SLC30A7: variants seen among roughly 807,000 people sequenced by gnomAD.
The protein encoded by SLC30A7 is zinc transporter 7.
In SLC30A7, 35 loss-of-function variants were observed where a neutral mutation model predicts 46.0. The observed-to-expected ratio is 0.76, with a 90% CI of 0.58 to 1.01. The LOEUF is 1.01. SLC30A7 is among the 50% of genes least tolerant of loss of function. The probability of loss-of-function intolerance (pLI) is 0.00; values close to 1 mark genes in which losing one functional copy is unlikely to be tolerated. For synonymous variants in SLC30A7, 147 were observed against 157.8 expected (o/e 0.93, Z 0.51); for missense variants, 464 against 451.1 (o/e 1.03, Z -0.26).
chr1:100,936,865 C>G (rs1037639468), intron 8 of SLC30A7, among the ~76,000 whole-genome samples: 2 of 152,190 alleles, frequency 1.3e-5, no homozygotes, highest in African/African-American at 4.8e-5. Flanking sequence ...CCTTTTGTGA[C>G]TAGTTTATTT....
intron 8 of SLC30A7, among the ~76,000 whole-genome samples, chr1:100,954,249 G>C (rs1189521915): frequency 6.6e-6 from 1 of 152,056 alleles, no homozygotes; most frequent in Non-Finnish European, 1.5e-5. Context: ...TTTTGTCTTG[G>C]CAATGTCACA....
At chr1:100,916,870 C>T (rs1570526277) in intron 6 of SLC30A7, among the ~76,000 whole-genome samples, 2 of 151,964 alleles carry the variant, frequency 1.3e-5, no homozygotes. Flanking sequence ...CAATGTTTGT[C>T]GTTCTGTAAC....
At chr1:100,957,407 T>C (rs56678847) in intron 8 of SLC30A7, among the ~76,000 whole-genome samples, 15,824 of 152,334 alleles carry the variant, frequency 0.1, 875 homozygotes, top group Middle Eastern at 0.2. Context: ...AAACAATTTA[T>C]ATTTTCTTTC....
chr1:100,919,153 G>A (rs1040020314), intron 7 of SLC30A7, among the ~76,000 whole-genome samples: 26 of 152,150 alleles, frequency 1.7e-4, no homozygotes, highest in African/African-American at 5.8e-4. Flanking sequence ...TAATACATGT[G>A]TAAAATTGTA....
At chr1:100,932,912 A>T (rs949405889) in intron 8 of SLC30A7, among the ~76,000 whole-genome samples, 2 of 150,266 alleles carry the variant, frequency 1.3e-5, no homozygotes, top group Non-Finnish European at 3.0e-5. Flanking sequence ...ATCTGCCCCA[A>T]CCTCCCTTCC....
rs1050101996 is a variant in SLC30A7, at chr1:100,975,037, T to G, written c.*180T>G. ...GGGAGTTCACAGCTAAGGGATCAGA[T>G]TTAAGAGGATATCTCCTGGACTTTT... is the stretch of plus-strand genomic sequence containing the variant. On this transcript the variant is annotated 3_prime_UTR_variant, in exon 11 of 11. Transcript: ENST00000357650. 2.4e-6 allele frequency: 1 copy of G among 416,982 alleles called. No individual in the cohort carries two copies. Among genetic ancestry groups the G allele is most frequent in the African/African-American group, 2.0e-5 (1 of 49,056 alleles). The allele number at this position is 416,982 out of a possible 1,614,324, so 25.8% of individuals were successfully genotyped here.
chr1:100,910,717 C>T (rs1355906509), intron 3 of SLC30A7, among the ~76,000 whole-genome samples: 3 of 152,064 alleles, frequency 2.0e-5, no homozygotes, highest in African/African-American at 7.2e-5. Context: ...GCCGTTAATC[C>T]TTCTTTCTTT....
chr1:100,905,859 T>C (rs371694126), intron 2 of SLC30A7, among the ~76,000 whole-genome samples: 40 of 152,374 alleles, frequency 2.6e-4, no homozygotes, highest in South Asian at 8.3e-4. Flanking sequence ...TCCTATCTAA[T>C]AGTTCCAACA....
intron 8 of SLC30A7, among the ~76,000 whole-genome samples, chr1:100,952,501 C>T (rs993658489): frequency 1.3e-5 from 2 of 152,182 alleles, no homozygotes; most frequent in African/African-American, 4.8e-5. Flanking sequence ...ACACCATCCA[C>T]TTAAAGGTAG....
At position 100,896,226 on chromosome 1, in the gene SLC30A7, G is replaced by T. The variant is rs752174811; in HGVS notation, c.-37G>T. On this transcript the variant is annotated 5_prime_UTR_variant, in exon 1 of 11. Coordinates refer to ENST00000357650, the MANE Select transcript of SLC30A7 (RefSeq NM_133496.5). ...CCATCACCCCACGGAGCCACTTCTA[G>T]AGGGGAGTAGACCCGGCCCTTCGCC... is the stretch of plus-strand genomic sequence containing the variant. 6 of 1,602,052 alleles carry T rather than the reference G, an allele frequency of 3.7e-6. No individual in the cohort carries two copies. Among genetic ancestry groups the T allele is most frequent in the Non-Finnish European group, 5.1e-6 (6 of 1,169,086 alleles).
At chr1:100,929,892 G>GT (rs1653563396) in intron 8 of SLC30A7, among the ~76,000 whole-genome samples, 1 of 152,184 alleles carries the variant, frequency 6.6e-6, no homozygotes, top group African/African-American at 2.4e-5. Context: ...TTTCAGAGTA[G>GT]TTCTGCTCCT....
At chr1:100,910,400 G>A (rs1165516471) in intron 3 of SLC30A7, among the ~76,000 whole-genome samples, 1 of 152,056 alleles carries the variant, frequency 6.6e-6, no homozygotes, top group African/African-American at 2.4e-5. Flanking sequence ...GAACTCAATG[G>A]AACAAAAGAC....
Position 100,974,902 on chromosome 1 carries a change from G to C in SLC30A7, c.*45G>C. On this transcript the variant is annotated 3_prime_UTR_variant, in exon 11 of 11. Coordinates refer to ENST00000357650, the MANE Select transcript of SLC30A7 (RefSeq NM_133496.5). ...CACCTTTTATGGACCAAATTTTTCTGGTACTGTACGATCCAAAACATTGTA... is the reference window on the plus strand; with the variant it reads ...CACCTTTTATGGACCAAATTTTTCTCGTACTGTACGATCCAAAACATTGTA... The C allele has an allele frequency of 6.7e-7, 1 of 1,502,442 alleles. No homozygotes were observed. Among genetic ancestry groups the C allele is most frequent in the Non-Finnish European group, 9.1e-7 (1 of 1,094,840 alleles). 93.1% of individuals were successfully genotyped at this position (1,502,442 alleles called of 1,614,324 possible).
At chr1:100,948,921 TA>T (rs773553992) in intron 8 of SLC30A7, among the ~76,000 whole-genome samples, 3 of 152,168 alleles carry the variant, frequency 2.0e-5, no homozygotes, top group Non-Finnish European at 4.4e-5. Context: ...ACTGTTTAGT[TA>T]GTCATTCATC....
At chr1:100,974,417 A>T (rs1451678046) in intron 10 of SLC30A7, among the ~76,000 whole-genome samples, 19 of 152,220 alleles carry the variant, frequency 1.2e-4, no homozygotes. Context: ...ATTCCAATAG[A>T]TGGTTATACT....
downstream of SLC30A7, among the ~76,000 whole-genome samples, chr1:100,986,075 C>T (rs78142330): frequency 1.6e-3 from 251 of 152,256 alleles, 5 homozygotes; most frequent in African/African-American, 5.8e-3. Flanking sequence ...AGATGATCCA[C>T]ATCATTAGGT....
intron 8 of SLC30A7, among the ~76,000 whole-genome samples, chr1:100,961,402 C>T (rs1416236413): frequency 1.3e-5 from 2 of 152,160 alleles, no homozygotes; most frequent in Admixed American, 6.5e-5. Flanking sequence ...CTGTGGTTAT[C>T]GCCAGGCTTC....
intron 8 of SLC30A7, among the ~76,000 whole-genome samples, chr1:100,926,553 C>A (rs1653318796): frequency 6.6e-6 from 1 of 152,208 alleles, no homozygotes; most frequent in Non-Finnish European, 1.5e-5. Context: ...CAGGCCCCAC[C>A]TCCAGCACTG....
the SLC30A7 span, among the ~76,000 whole-genome samples, chr1:100,988,901 CAT>C: frequency 6.6e-6 from 1 of 151,536 alleles, no homozygotes; most frequent in African/African-American, 2.4e-5. Context: ...AGAGATGTTT[CAT>C]ATATATATAA....
Sources: allele counts gnomAD v4.1 joint callset (sites outside exome capture counted in the v4.1 genomes callset), GRCh38; gene constraint gnomAD v4.1.1; transcripts MANE v1.5; gene names NCBI Gene and HGNC (gene_info 2026-07-23, HGNC 2026-07-21).